The following SYTL5 variants were observed in gnomAD, a reference collection of about 807,000 sequenced individuals.
The protein encoded by SYTL5 is synaptotagmin-like protein 5.
SYTL5 carries 34 observed loss-of-function variants against 55.9 expected under a neutral mutation model. The observed-to-expected ratio is 0.61, with a 90% CI of 0.46 to 0.81. The LOEUF (loss-of-function observed/expected upper bound fraction) is 0.81. SYTL5 is among the 30% of genes least tolerant of loss of function. SYTL5 has a pLI of 0.00. For missense variants in SYTL5, 637 were observed against 546.7 expected (o/e 1.17, Z -1.65); for synonymous variants, 221 against 188.7 (o/e 1.17, Z -1.40).
At chrX:38,022,490 T>C (rs751855765) in intron 1 of SYTL5, among the ~76,000 whole-genome samples, 7 of 112,106 alleles carry the variant, frequency 6.2e-5, no homozygotes, top group Admixed American at 4.7e-4. Context: ...TTCCAGCTTC[T>C]AGAGGCCATC....
chrX:38,017,590 G>A (rs773470122), intron 1 of SYTL5, among the ~76,000 whole-genome samples: 10 of 109,706 alleles, frequency 9.1e-5, no homozygotes, highest in African/African-American at 2.7e-4. Context: ...GGACCAAACC[G>A]AAGATCAGGC....
the SYTL5 span, among the ~76,000 whole-genome samples, chrX:37,978,305 G>A: frequency 9.0e-6 from 1 of 111,538 alleles, no homozygotes; most frequent in African/African-American, 3.3e-5. Flanking sequence ...ATCTGATTGG[G>A]CAACTGGAGA....
At chrX:38,037,185 C>T (rs1401175758) in intron 2 of SYTL5, among the ~76,000 whole-genome samples, 1 of 111,947 alleles carries the variant, frequency 8.9e-6, no homozygotes, top group African/African-American at 3.3e-5. Flanking sequence ...TACAGAAATC[C>T]ATTGCCTCAA....
intron 6 of SYTL5, among the ~76,000 whole-genome samples, chrX:38,086,349 C>T (rs936031773): frequency 8.9e-6 from 1 of 111,848 alleles, no homozygotes; most frequent in Non-Finnish European, 1.9e-5. Flanking sequence ...AGATGTGTTT[C>T]CCCTACCCAT....
chrX:38,003,632 G>A (rs142496618), upstream of SYTL5, among the ~76,000 whole-genome samples: 245 of 111,693 alleles, frequency 2.2e-3, 2 homozygotes, highest in East Asian at 0.016. Flanking sequence ...AATATATATC[G>A]TGAAAATGTC....
chrX:38,110,356 T>A lies in SYTL5; in HGVS notation c.1470T>A (p.Thr490=). ...GCCATACCCAGCTGGAAACAAGAAC[T>A]CTGCAGCTCTCAGTCTGGCACTATG... The part of the protein sequence containing the change: ...TISHTQLETR[T]LQLSVWHYDR... The change falls in exon 13 of 17, where the codon ACT becomes ACA. Residue 490 remains threonine, a synonymous_variant. Coordinates refer to ENST00000297875, the MANE Select transcript of SYTL5 (RefSeq NM_138780.3). 8.3e-7 allele frequency: 1 copy of A among 1,206,705 alleles called. No homozygotes were observed. Among genetic ancestry groups the A allele is most frequent in the South Asian group, 1.8e-5 (1 of 55,846 alleles).
At chrX:38,007,476 A>G (rs915114803) in intron 1 of SYTL5, among the ~76,000 whole-genome samples, 1 of 111,624 alleles carries the variant, frequency 9.0e-6, no homozygotes, top group African/African-American at 3.2e-5. Flanking sequence ...GTATGCCTGG[A>G]GAAAAGCATA....
the SYTL5 span, among the ~76,000 whole-genome samples, chrX:37,960,537 G>A: frequency 9.0e-6 from 1 of 111,344 alleles, no homozygotes; most frequent in East Asian, 2.8e-4. Context: ...TTTATAACAA[G>A]AATGGCCTTT....
chrX:37,966,894 G>C, the SYTL5 span, among the ~76,000 whole-genome samples: 3 of 111,449 alleles, frequency 2.7e-5, no homozygotes, highest in African/African-American at 9.8e-5. Flanking sequence ...GTATGCTTTC[G>C]TTTTGCTGTT....
chrX:37,966,582 T>C, the SYTL5 span, among the ~76,000 whole-genome samples: 1 of 108,099 alleles, frequency 9.3e-6, no homozygotes, highest in South Asian at 4.1e-4. Context: ...GAACTACAGA[T>C]GCACGCCACC....
chrX:37,924,269 A>G, the SYTL5 span, among the ~76,000 whole-genome samples: 1 of 111,489 alleles, frequency 9.0e-6, no homozygotes, highest in African/African-American at 3.3e-5. Context: ...TTCAAATCCT[A>G]CCTCTGATAC....
At chrX:38,019,208 G>A (rs1934459563) in intron 1 of SYTL5, among the ~76,000 whole-genome samples, 1 of 112,222 alleles carries the variant, frequency 8.9e-6, no homozygotes, top group South Asian at 3.7e-4. Flanking sequence ...CTCTTTCGCT[G>A]TGTTTCCTAA....
intron 15 of SYTL5, among the ~76,000 whole-genome samples, chrX:38,123,552 G>C (rs1937595155): frequency 8.9e-6 from 1 of 111,790 alleles, no homozygotes; most frequent in Non-Finnish European, 1.9e-5. Context: ...GTAGATTTAA[G>C]CATAGAAGAA....
the SYTL5 span, among the ~76,000 whole-genome samples, chrX:37,930,367 A>G: frequency 8.9e-6 from 1 of 112,313 alleles, no homozygotes; most frequent in Non-Finnish European, 1.9e-5. Context: ...TCAAAGGGAT[A>G]TAAGAAGTGA....
At chrX:37,899,064 C>T in the SYTL5 span, among the ~76,000 whole-genome samples, 715 of 111,492 alleles carry the variant, frequency 6.4e-3, 4 homozygotes, top group Non-Finnish European at 0.011. Context: ...CTTGAGACAA[C>T]GTAGAATTTT....
intron 3 of SYTL5, among the ~76,000 whole-genome samples, chrX:38,065,496 T>C (rs1057485381): frequency 2.7e-5 from 3 of 112,175 alleles, no homozygotes; most frequent in African/African-American, 9.7e-5. Context: ...TCCCAGCACT[T>C]TGAAGATGTG....
chrX:38,066,131 T>TA (rs1232262129), intron 3 of SYTL5, among the ~76,000 whole-genome samples: 1 of 111,214 alleles, frequency 9.0e-6, no homozygotes, highest in Non-Finnish European at 1.9e-5. Flanking sequence ...AATAAATGTA[T>TA]AAAAAAATTG....
intron 7 of SYTL5, among the ~76,000 whole-genome samples, chrX:38,092,280 G>T (rs892355601): frequency 9.0e-6 from 1 of 111,651 alleles, no homozygotes; most frequent in African/African-American, 3.3e-5. Flanking sequence ...GGGAGAATTT[G>T]CTCACACGAT....
intron 3 of SYTL5, among the ~76,000 whole-genome samples, chrX:38,056,319 G>A (rs1370427682): frequency 8.9e-6 from 1 of 112,033 alleles, no homozygotes; most frequent in Non-Finnish European, 1.9e-5. Flanking sequence ...TAGCTGAATA[G>A]TACTCCACTG....
Sources: allele counts gnomAD v4.1 joint callset (sites outside exome capture counted in the v4.1 genomes callset), GRCh38; gene constraint gnomAD v4.1.1; transcripts MANE v1.5; gene names NCBI Gene and HGNC (gene_info 2026-07-23, HGNC 2026-07-21).